Variants in SPAG9 observed in about 807,000 individuals in gnomAD.
The protein encoded by SPAG9 is sperm associated antigen 9.
Under a neutral mutation model 166.5 loss-of-function variants are expected in SPAG9, and 35 were observed. That is an observed-to-expected ratio of 0.21 (90% CI 0.16 to 0.28). The LOEUF (loss-of-function observed/expected upper bound fraction) is 0.28, where lower values mean the gene tolerates loss of function less well. Ranked by LOEUF, SPAG9 falls within the 10% of genes least tolerant of loss-of-function variation. The pLI, the probability that SPAG9 is intolerant of heterozygous loss-of-function variation, is 1.00. For synonymous variants in SPAG9, 534 were observed against 565.5 expected, an observed-to-expected ratio of 0.94 and a Z score of 0.79; for missense variants, 1,235 against 1,603.3, an observed-to-expected ratio of 0.77 and a Z score of 3.92.
intron 22 of SPAG9, 71 bp from the exon 23 acceptor site, chr17:50,985,849 G>A (rs1423689293): frequency 1.1e-5 from 9 of 831,538 alleles, no homozygotes; most frequent in African/African-American, 5.3e-5. Context: ...AACAATGATC[G>A]CGAAGTTCAT....
In SPAG9 at chr17:51,001,853, G is replaced by C. The variant is rs1478049674; in HGVS notation, c.1477-8C>G. 1 of 1,609,472 alleles carries C rather than the reference G, an allele frequency of 6.2e-7. No homozygotes were observed. Among genetic ancestry groups the C allele is most frequent in the South Asian group, 1.1e-5 (1 of 90,096 alleles). ...GGCTGTGGGAATATCACTCTATAAT[G>C]ACAAGAAAATGACATATCATTCTGG... On this transcript the variant is annotated splice_polypyrimidine_tract_variant and splice_region_variant and intron_variant, in intron 12 of 29. Coordinates refer to ENST00000262013, the MANE Select transcript of SPAG9 (RefSeq NM_001130528.3).
chr17:51,084,339 A>G (rs1415571739), intron 1 of SPAG9: 1 of 152,210 alleles, frequency 6.6e-6, no homozygotes, highest in Non-Finnish European at 1.5e-5. Context: ...TGCTTTGAAA[A>G]TGATGCTCCC....
intron 3 of SPAG9, among the ~76,000 whole-genome samples, chr17:51,052,696 C>T (rs747447634): frequency 2.6e-5 from 4 of 151,372 alleles, no homozygotes; most frequent in Non-Finnish European, 4.4e-5. Context: ...TTTATAGAAG[C>T]GTATCTTCAC....
chr17:51,058,255 CACT>C (rs1466512666), intron 2 of SPAG9, among the ~76,000 whole-genome samples: 6 of 152,276 alleles, frequency 3.9e-5, no homozygotes, highest in African/African-American at 4.8e-5. Context: ...CCAACACCAC[CACT>C]ACTAATAGCA....
chr17:50,981,980 C>A (rs1457283222), intron 25 of SPAG9, among the ~76,000 whole-genome samples: 3 of 151,196 alleles, frequency 2.0e-5, no homozygotes, highest in African/African-American at 7.3e-5. Flanking sequence ...TTGCAGTGAG[C>A]CAAGAACATG....
chr17:51,002,988 TAA>T (rs79811826), intron 12 of SPAG9, among the ~76,000 whole-genome samples: 101 of 130,366 alleles, frequency 7.7e-4, no homozygotes, highest in Middle Eastern at 4.0e-3. Context: ...AGGCTGAAGT[TAA>T]AAAAAAAAAA....
At chr17:50,971,884 C>G (rs1436437488) in intron 28 of SPAG9, among the ~76,000 whole-genome samples, 1 of 152,136 alleles carries the variant, frequency 6.6e-6, no homozygotes, top group East Asian at 1.9e-4. Context: ...TCTCTTGCCT[C>G]AGCCTCCCAA....
chr17:51,010,449 T>G (rs190449918), intron 9 of SPAG9, among the ~76,000 whole-genome samples: 1 of 151,832 alleles, frequency 6.6e-6, no homozygotes, highest in African/African-American at 2.4e-5. Context: ...CAGTAAAGTA[T>G]GAAGAGTGGT....
At chr17:51,070,676 A>G (rs2047798232) in intron 2 of SPAG9, among the ~76,000 whole-genome samples, 1 of 152,200 alleles carries the variant, frequency 6.6e-6, no homozygotes, top group Admixed American at 6.5e-5. Context: ...TATATTAATT[A>G]TACATGTATA....
At chr17:51,017,519 T>TGTGAGA (rs914603001) in intron 8 of SPAG9, among the ~76,000 whole-genome samples, 1 of 147,354 alleles carries the variant, frequency 6.8e-6, no homozygotes, top group East Asian at 2.0e-4. Flanking sequence ...AGAACCTGTC[T>TGTGAGA]GAGAGAGAGA....
At chr17:50,996,855 A>T (rs11658656) in intron 15 of SPAG9, among the ~76,000 whole-genome samples, 161 bp from the exon 16 acceptor site, 34,316 of 152,174 alleles carry the variant, frequency 0.23, 4,806 homozygotes, top group Non-Finnish European at 0.31. Context: ...AAGTGTTATA[A>T]TAGGCCGGGC....
chr17:51,105,636 G>A (rs1598191318), intron 1 of SPAG9, among the ~76,000 whole-genome samples: 2 of 151,044 alleles, frequency 1.3e-5, no homozygotes, highest in African/African-American at 4.9e-5. Context: ...TTTGGGAGGC[G>A]AGGTGGGCAG....
intron 8 of SPAG9, among the ~76,000 whole-genome samples, chr17:51,019,888 C>G (rs542365504): frequency 6.6e-6 from 1 of 152,198 alleles, no homozygotes; most frequent in East Asian, 1.9e-4. Flanking sequence ...TATAAATTAC[C>G]CACTCTGGTA....
chr17:50,963,553 C>T lies in SPAG9; in HGVS notation c.*2719G>A, dbSNP rs941838961. 1.3e-5 allele frequency: 2 copies of T among 152,184 alleles called. No homozygotes were observed. Among genetic ancestry groups the T allele is most frequent in the Non-Finnish European group, 2.9e-5 (2 of 68,038 alleles). 9.4% of individuals were successfully genotyped at this position (152,184 alleles called of 1,614,324 possible). A position where few individuals can be genotyped will look rare whatever the true frequency, so the allele number is the denominator to read the frequency against. ...AATCTGACATCTTTAGATAAAACAA[C>T]TACACACCTATATTACTTAAGTTAA... On this transcript the variant is annotated 3_prime_UTR_variant, in exon 30 of 30. Coordinates refer to ENST00000262013, the MANE Select transcript of SPAG9 (RefSeq NM_001130528.3).
chr17:50,990,663 G>C lies in SPAG9; in HGVS notation c.2404C>G (p.Arg802Gly). The C allele has an allele frequency of 6.2e-7, 1 of 1,613,212 alleles. No individual in the cohort carries two copies. The highest frequency in any genetic ancestry group is 8.5e-7 in the Non-Finnish European group (1 of 1,179,246). The change falls in exon 20 of 30, where the codon CGA becomes GGA. Residue 802 changes from arginine (R) to glycine (G), a missense_variant. Around this residue, in one of 6 missense-constraint regions of SPAG9, gnomAD observed 493 missense variants for 559.4 expected, o/e 0.88. Transcript: ENST00000262013. The part of the protein sequence containing the change: ...VLCIASVPGA[R>G]ETDYPAGEDL... ...TCTCCTGCAGGGTAGTCTGTTTCTCGTGCACCTGAAAAATAAATCTTCTTG... is the reference window on the plus strand; with the variant it reads ...TCTCCTGCAGGGTAGTCTGTTTCTCCTGCACCTGAAAAATAAATCTTCTTG...
intron 1 of SPAG9, among the ~76,000 whole-genome samples, chr17:51,095,785 GAT>G (rs2048600206): frequency 6.9e-6 from 1 of 145,232 alleles, no homozygotes; most frequent in East Asian, 2.0e-4. Flanking sequence ...TATATATAGT[GAT>G]ATACGTATAG....
intron 2 of SPAG9, among the ~76,000 whole-genome samples, chr17:51,060,083 C>T (rs928262997): frequency 2.6e-5 from 4 of 152,102 alleles, no homozygotes; most frequent in East Asian, 1.9e-4. Flanking sequence ...CTCTTTGCTT[C>T]CCATCCCCAC....
intron 2 of SPAG9, among the ~76,000 whole-genome samples, chr17:51,071,607 T>C (rs2047821695): frequency 6.7e-6 from 1 of 150,044 alleles, no homozygotes; most frequent in Admixed American, 6.6e-5. Context: ...AAAAAACATA[T>C]TATAGACTCA....
rs745830845 is a variant in SPAG9, at chr17:50,995,484, A to G, written c.2018T>C (p.Val673Ala). Residue 673 changes from valine (V) to alanine (A), a missense_variant, in exon 17 of 30, where the codon GTC (valine) becomes GCC (alanine). Physicochemically the swap from Val to Ala is moderately conservative, Grantham distance 64. Around this residue, in one of 6 missense-constraint regions of SPAG9, gnomAD observed 493 missense variants for 559.4 expected, o/e 0.88. Coordinates refer to ENST00000262013, the MANE Select transcript of SPAG9 (RefSeq NM_001130528.3). The stretch of plus-strand genomic sequence containing the variant: ...TTTTTCATCCAGAGGTCTGAGATAG[A>G]CAGGCACAGGTAAATTTTTCATCTT... ...ENKMKNLPVP[V>A]YLRPLDEKDT... 31 of 1,611,602 alleles carry G rather than the reference A, an allele frequency of 1.9e-5. 1 individual carries two copies. The highest frequency in any genetic ancestry group is 2.5e-5 in the Non-Finnish European group (29 of 1,177,916).
Sources: gnomAD v4.1 joint callset for allele counts (sites outside exome capture counted in the v4.1 genomes callset) on GRCh38, gnomAD v4.1.1 for gene constraint, gnomAD v4.1.1 regional missense constraint, MANE v1.5 for transcripts, NCBI Gene and HGNC (gene_info 2026-07-23, HGNC 2026-07-21) for gene names.